TOP6BL: variants seen among roughly 807,000 people sequenced by gnomAD.
The protein encoded by TOP6BL is TOP6B like initiator of meiotic double strand breaks.
the TOP6BL span, among the ~76,000 whole-genome samples, chr11:66,766,599 C>G: frequency 1.3e-5 from 2 of 152,232 alleles, no homozygotes; most frequent in African/African-American, 4.8e-5. Context: ...GAGCTTCTCT[C>G]ATAACCCAGA....
At chr11:66,764,601 G>T in the TOP6BL span, among the ~76,000 whole-genome samples, 8 of 150,404 alleles carry the variant, frequency 5.3e-5, no homozygotes, top group Non-Finnish European at 8.9e-5. Context: ...GGAGGCGGAG[G>T]TTGCAGTAAG....
At chr11:66,818,241 G>A in the TOP6BL span, among the ~76,000 whole-genome samples, 28 of 152,136 alleles carry the variant, frequency 1.8e-4, no homozygotes, top group Non-Finnish European at 2.6e-4. Flanking sequence ...GTTGGCTGTG[G>A]TATTCTTCCT....
the TOP6BL span, among the ~76,000 whole-genome samples, chr11:66,749,775 T>C: frequency 6.6e-6 from 1 of 152,136 alleles, no homozygotes; most frequent in Non-Finnish European, 1.5e-5. Flanking sequence ...TTTCACCATA[T>C]TGGCCAGGCT....
chr11:66,800,577 A>G, the TOP6BL span: 3 of 1,280,956 alleles, frequency 2.3e-6, no homozygotes, highest in African/African-American at 1.5e-5. Context: ...GGGATTAGAT[A>G]TGGAAGTTTT....
chr11:66,801,173 T>G, the TOP6BL span: 1 of 1,493,438 alleles, frequency 6.7e-7, no homozygotes, highest in Non-Finnish European at 9.3e-7. Context: ...TGGGTAGAAA[T>G]TGGAAATTGT....
chr11:66,792,349 T>A, the TOP6BL span, among the ~76,000 whole-genome samples: 12 of 152,348 alleles, frequency 7.9e-5, no homozygotes, highest in East Asian at 2.3e-3. Flanking sequence ...AATTCTGAGA[T>A]TGTCTTATTT....
At chr11:66,784,863 C>G in the TOP6BL span, among the ~76,000 whole-genome samples, 2 of 151,828 alleles carry the variant, frequency 1.3e-5, no homozygotes, top group African/African-American at 4.8e-5. Flanking sequence ...TGCTCTTTTA[C>G]TGTGTCCAAT....
the TOP6BL span, among the ~76,000 whole-genome samples, chr11:66,745,580 T>G: frequency 1.3e-5 from 2 of 152,124 alleles, no homozygotes; most frequent in Non-Finnish European, 2.9e-5. Context: ...GAGCTGCTGT[T>G]TGTGAGGGGT....
the TOP6BL span, chr11:66,838,516 C>G: frequency 7.2e-7 from 1 of 1,386,376 alleles, no homozygotes; most frequent in Non-Finnish European, 1.0e-6. Context: ...TTCAAACTTT[C>G]AAACTATTCC....
chr11:66,804,199 T>C, the TOP6BL span: 9 of 1,589,908 alleles, frequency 5.7e-6, no homozygotes, highest in Admixed American at 7.1e-5. Context: ...CCATATCCTT[T>C]TGATGAAAAG....
At chr11:66,762,744 C>T in the TOP6BL span, among the ~76,000 whole-genome samples, 1 of 152,218 alleles carries the variant, frequency 6.6e-6, no homozygotes, top group Non-Finnish European at 1.5e-5. Flanking sequence ...GCTGGGATTA[C>T]AGGCGTGAGC....
At chr11:66,829,799 G>GCT in the TOP6BL span, among the ~76,000 whole-genome samples, 1 of 152,190 alleles carries the variant, frequency 6.6e-6, no homozygotes, top group South Asian at 2.1e-4. Flanking sequence ...TGAGGTGGAA[G>GCT]AACTGCATGA....
chr11:66,790,644 G>A, the TOP6BL span, among the ~76,000 whole-genome samples: 11 of 152,290 alleles, frequency 7.2e-5, no homozygotes, highest in East Asian at 2.1e-3. Context: ...CAAGGCAGCC[G>A]TTATTAACAC....
At chr11:66,841,558 T>G in the TOP6BL span, among the ~76,000 whole-genome samples, 1 of 152,226 alleles carries the variant, frequency 6.6e-6, no homozygotes, top group Non-Finnish European at 1.5e-5. Context: ...TAGTTTGATC[T>G]AAGCCACACC....
chr11:66,757,753 AT>A, the TOP6BL span, among the ~76,000 whole-genome samples: 1 of 151,932 alleles, frequency 6.6e-6, no homozygotes, highest in African/African-American at 2.4e-5. Flanking sequence ...CGCTCAGCTA[AT>A]TTTTGTTATT....
the TOP6BL span, chr11:66,816,082 G>A: frequency 1.2e-6 from 2 of 1,603,780 alleles, no homozygotes; most frequent in African/African-American, 2.7e-5. Flanking sequence ...GAGTTATCAG[G>A]TGGAATCCAG....
At chr11:66,841,784 A>G in the TOP6BL span, among the ~76,000 whole-genome samples, 1 of 152,166 alleles carries the variant, frequency 6.6e-6, no homozygotes, top group Non-Finnish European at 1.5e-5. Flanking sequence ...CCTAGGTGAC[A>G]GGCGAGACCT....
At chr11:66,804,819 C>T in the TOP6BL span, among the ~76,000 whole-genome samples, 1 of 152,146 alleles carries the variant, frequency 6.6e-6, no homozygotes, top group Non-Finnish European at 1.5e-5. Context: ...CACCTGTAAT[C>T]CCAGCACTTT....
the TOP6BL span, chr11:66,758,998 G>A: frequency 4.3e-6 from 6 of 1,380,556 alleles, no homozygotes; most frequent in Non-Finnish European, 6.0e-6. Flanking sequence ...TCAATAGAAT[G>A]CATTTACTTA....
Sources: gnomAD v4.1 joint callset for allele counts (sites outside exome capture counted in the v4.1 genomes callset) on GRCh38, gnomAD v4.1.1 for gene constraint, MANE v1.5 for transcripts, NCBI Gene and HGNC (gene_info 2026-07-23, HGNC 2026-07-21) for gene names.